EYS: variants seen among roughly 807,000 people sequenced by gnomAD.
The protein encoded by EYS is protein eyes shut homolog.
A neutral mutation model predicts 282.1 loss-of-function variants in EYS; 250 were observed. The ratio of observed to expected loss-of-function variants is 0.89; its 90% CI spans 0.80 to 0.98. EYS has a LOEUF of 0.98. Among genes scored for constraint, EYS ranks in the 50% least tolerant of loss-of-function variants. The probability of loss-of-function intolerance (pLI) is 0.00; values close to 1 mark genes in which losing one functional copy is unlikely to be tolerated. For synonymous variants in EYS, 1,355 were observed against 1,282.9 expected (o/e 1.06, Z -1.20); for missense variants, 4,016 against 3,709.0 (o/e 1.08, Z -2.15).
intron 33 of EYS, among the ~76,000 whole-genome samples, chr6:64,055,922 C>T (rs1055293937): frequency 6.6e-6 from 1 of 152,042 alleles, no homozygotes; most frequent in African/African-American, 2.4e-5. Context: ...CTTCTTCAGC[C>T]AGTAAGTGCG....
intron 26 of EYS, among the ~76,000 whole-genome samples, chr6:64,557,361 A>G (rs1765266082): frequency 1.3e-5 from 2 of 151,954 alleles, no homozygotes; most frequent in Admixed American, 6.6e-5. Context: ...TTTAAACTCC[A>G]TTCAAGATTT....
At chr6:64,971,067 T>C (rs1020168973) in intron 14 of EYS, among the ~76,000 whole-genome samples, 1 of 152,150 alleles carries the variant, frequency 6.6e-6, no homozygotes, top group African/African-American at 2.4e-5. Flanking sequence ...AATCATTATA[T>C]GATAACTTAG....
chr6:64,934,501 T>C (rs1768837271), intron 15 of EYS, among the ~76,000 whole-genome samples: 1 of 151,812 alleles, frequency 6.6e-6, no homozygotes. Context: ...ATAATAGTGA[T>C]AGCATCAAGA....
intron 28 of EYS, among the ~76,000 whole-genome samples, chr6:64,411,925 G>GTATATATGTTTATATATACATGCATA (rs1561980315): frequency 8.5e-6 from 1 of 117,318 alleles, no homozygotes; most frequent in African/African-American, 2.9e-5. Flanking sequence ...ATGCATGCAT[G>GTATATATGTTTATATATACATGCATA]TATGTATATA....
At chr6:65,301,196 T>C (rs1040643279) in intron 11 of EYS, among the ~76,000 whole-genome samples, 2 of 152,176 alleles carry the variant, frequency 1.3e-5, no homozygotes, top group African/African-American at 4.8e-5. Context: ...AAATATTTTA[T>C]TGAAAGTCTA....
intron 12 of EYS, among the ~76,000 whole-genome samples, chr6:65,215,760 G>T (rs1317529940): frequency 6.6e-6 from 1 of 152,084 alleles, no homozygotes; most frequent in Non-Finnish European, 1.5e-5. Context: ...AGTCTCTTTA[G>T]CATTCAGCAA....
intron 18 of EYS, among the ~76,000 whole-genome samples, chr6:64,895,226 A>G (rs1175158828): frequency 6.6e-6 from 1 of 152,196 alleles, no homozygotes; most frequent in African/African-American, 2.4e-5. Context: ...AAATTTCACC[A>G]ATTCTAAAGG....
At chr6:64,420,362 T>G (rs746041981) in intron 28 of EYS, among the ~76,000 whole-genome samples, 4 of 152,204 alleles carry the variant, frequency 2.6e-5, no homozygotes, top group Non-Finnish European at 5.9e-5. Flanking sequence ...GAGGACCTGC[T>G]GTGAAGGTCT....
chr6:63,869,239 A>G (rs1007961254), intron 35 of EYS, among the ~76,000 whole-genome samples: 20 of 152,326 alleles, frequency 1.3e-4, no homozygotes, highest in African/African-American at 4.6e-4. Context: ...ATAAAATGGA[A>G]AATCCATAAA....
At chr6:64,975,463 C>T (rs920703085) in intron 14 of EYS, among the ~76,000 whole-genome samples, 3 of 151,736 alleles carry the variant, frequency 2.0e-5, no homozygotes, top group African/African-American at 4.8e-5. Context: ...TATTTTTTCC[C>T]TTATTTTTTT....
At chr6:64,977,924 G>T (rs1194177227) in intron 14 of EYS, among the ~76,000 whole-genome samples, 4 of 151,864 alleles carry the variant, frequency 2.6e-5, no homozygotes, top group African/African-American at 7.2e-5. Flanking sequence ...GGAGAGGTGG[G>T]TTCATGAGTT....
intron 2 of EYS, among the ~76,000 whole-genome samples, chr6:65,550,375 A>T (rs1469739325): frequency 6.9e-5 from 1 of 14,486 alleles, no homozygotes; most frequent in Non-Finnish European, 9.5e-5. Context: ...TTTAGGGTAC[A>T]TGTGCACATT....
intron 8 of EYS, among the ~76,000 whole-genome samples, chr6:65,357,500 A>AT (rs1369217678): frequency 4.6e-5 from 7 of 152,124 alleles, no homozygotes; most frequent in African/African-American, 1.4e-4. Context: ...AAGGGGAAAC[A>AT]TTAAAATATA....
intron 13 of EYS, among the ~76,000 whole-genome samples, chr6:65,009,668 C>G (rs1771804249): frequency 1.3e-5 from 2 of 152,228 alleles, no homozygotes; most frequent in South Asian, 4.1e-4. Context: ...TCCTTTGGTA[C>G]ATGGATGATT....
chr6:65,225,443 C>T (rs141194779), intron 12 of EYS, among the ~76,000 whole-genome samples: 7 of 151,924 alleles, frequency 4.6e-5, no homozygotes, highest in South Asian at 2.1e-4. Flanking sequence ...AGGCTGGGCA[C>T]GGTGGCTCAC....
intron 29 of EYS, among the ~76,000 whole-genome samples, chr6:64,384,027 T>C (rs1025941708): frequency 2.0e-5 from 3 of 152,156 alleles, no homozygotes; most frequent in East Asian, 1.9e-4. Context: ...TCTTTCTTCA[T>C]TTGTTTTTCA....
chr6:65,506,799 T>G (rs1766677143), intron 2 of EYS, among the ~76,000 whole-genome samples: 1 of 152,106 alleles, frequency 6.6e-6, no homozygotes, highest in African/African-American at 2.4e-5. Context: ...CTAATTTAAT[T>G]TGATTTTTAA....
At position 65,449,448 on chromosome 6, in the gene EYS, T is replaced by C. The variant is rs4710291; in HGVS notation, c.862+41146A>G. On this transcript the variant is annotated intron_variant, in intron 5 of 42. Coordinates refer to ENST00000503581, the MANE Select transcript of EYS (RefSeq NM_001142800.2). ...AGAATGCATTGGGTTGTTATCTTTCTCAAACCTTATAAATTTCTATTGAAA... is the reference window on the plus strand; with the variant it reads ...AGAATGCATTGGGTTGTTATCTTTCCCAAACCTTATAAATTTCTATTGAAA... Among the ~76,000 whole-genome samples the C allele has an allele frequency of 4.7e-3, 721 of 152,200 alleles. 19 individuals are homozygous for C. Among genetic ancestry groups the C allele is most frequent in the East Asian group, 0.033 (173 of 5,176 alleles).
chr6:65,113,643 T>A (rs889375393), intron 12 of EYS, among the ~76,000 whole-genome samples: 1 of 152,210 alleles, frequency 6.6e-6, no homozygotes, highest in Non-Finnish European at 1.5e-5. Context: ...GCCATGTTCT[T>A]CTTTACTTCT....
Sources: gnomAD v4.1 joint callset for allele counts (sites outside exome capture counted in the v4.1 genomes callset) on GRCh38, gnomAD v4.1.1 for gene constraint, MANE v1.5 for transcripts, NCBI Gene and HGNC (gene_info 2026-07-23, HGNC 2026-07-21) for gene names.